DACH1: variants seen among roughly 807,000 people sequenced by gnomAD.
The protein encoded by DACH1 is dachshund family transcription factor 1.
Under a neutral mutation model 54.2 loss-of-function variants are expected in DACH1, and 12 were observed. That is an observed-to-expected ratio of 0.22 (90% CI 0.14 to 0.36). DACH1 has a LOEUF of 0.36. Ranked by LOEUF, DACH1 falls within the 10% of genes least tolerant of loss-of-function variation. DACH1 has a pLI of 1.00. For synonymous variants in DACH1, 386 were observed against 366.2 expected (o/e 1.05, Z -0.62); for missense variants, 805 against 929.8 (o/e 0.87, Z 1.75).
chr13:71,832,716 T>G (rs900175550), intron 1 of DACH1, among the ~76,000 whole-genome samples: 4 of 151,950 alleles, frequency 2.6e-5, no homozygotes, highest in Non-Finnish European at 5.9e-5. Context: ...AGACATCTTC[T>G]ACTACTGGAA....
intron 10 of DACH1, among the ~76,000 whole-genome samples, chr13:71,456,573 G>A (rs1409662171): frequency 2.0e-5 from 3 of 151,754 alleles, no homozygotes; most frequent in Non-Finnish European, 4.4e-5. Context: ...CCCACCATAG[G>A]GACTCTATAC....
At chr13:71,865,897 G>T in intron 1 of DACH1, 25 bp downstream of exon 1, 2 of 1,558,796 alleles carry the variant, frequency 1.3e-6, no homozygotes, top group South Asian at 2.4e-5. Flanking sequence ...GGCGCGGGCG[G>T]CGGGGGCTAT....
chr13:71,705,229 G>A (rs529925506), intron 1 of DACH1, among the ~76,000 whole-genome samples: 4 of 152,232 alleles, frequency 2.6e-5, no homozygotes, highest in South Asian at 4.1e-4. Flanking sequence ...CTTGGACTTC[G>A]TTTTCCTCTA....
intron 10 of DACH1, among the ~76,000 whole-genome samples, chr13:71,466,855 A>AAAAG (rs1437270785): frequency 1.3e-5 from 2 of 151,074 alleles, no homozygotes; most frequent in East Asian, 1.9e-4. Flanking sequence ...CAAAAAAAAA[A>AAAAG]AAAAAAAAAG....
At chr13:71,453,027 T>C (rs1022159991) in intron 10 of DACH1, among the ~76,000 whole-genome samples, 5 of 152,218 alleles carry the variant, frequency 3.3e-5, no homozygotes, top group African/African-American at 1.2e-4. Flanking sequence ...TTTGGTAAAG[T>C]ATTTTTGTGT....
intron 1 of DACH1, among the ~76,000 whole-genome samples, chr13:71,765,336 A>G (rs2138019473): frequency 6.6e-6 from 1 of 152,212 alleles, no homozygotes. Flanking sequence ...AGGCACTGTC[A>G]CGTCCATCTG....
At chr13:71,779,113 A>G (rs926690251) in intron 1 of DACH1, among the ~76,000 whole-genome samples, 43 of 136,260 alleles carry the variant, frequency 3.2e-4, no homozygotes, top group Non-Finnish European at 5.7e-4. Flanking sequence ...ATATATATAC[A>G]TATATACACA....
chr13:71,655,293 C>T (rs1879014938), intron 2 of DACH1, among the ~76,000 whole-genome samples: 1 of 151,712 alleles, frequency 6.6e-6, no homozygotes, highest in African/African-American at 2.4e-5. Flanking sequence ...CACTTGAATA[C>T]AGAAATCAAG....
chr13:71,830,103 G>C lies in DACH1; in HGVS notation c.848+35819C>G, dbSNP rs1888527755. ...TTAAAATCACCAAATATTTTAAGTA[G>C]ATATATTCATTTATCTTTTACTAAC... On this transcript the variant is annotated intron_variant, in intron 1 of 10. Transcript: ENST00000613252. Among the ~76,000 whole-genome samples the C allele has an allele frequency of 2.0e-5, 3 of 151,820 alleles. No homozygotes were observed. The Admixed American group carries it at 2.0e-4, about 10-fold the overall frequency.
intron 3 of DACH1, among the ~76,000 whole-genome samples, chr13:71,617,491 T>A (rs1313433953): frequency 6.6e-6 from 1 of 152,176 alleles, no homozygotes; most frequent in Non-Finnish European, 1.5e-5. Context: ...TAAGTAGATG[T>A]TATACAATTA....
At chr13:71,850,691 A>G (rs1408761193) in intron 1 of DACH1, among the ~76,000 whole-genome samples, 1 of 152,248 alleles carries the variant, frequency 6.6e-6, no homozygotes, top group African/African-American at 2.4e-5. Context: ...TTGGATTTAA[A>G]AATTCAGATT....
intron 2 of DACH1, among the ~76,000 whole-genome samples, chr13:71,641,847 G>A (rs1594032699): frequency 6.6e-6 from 1 of 152,080 alleles, no homozygotes; most frequent in Non-Finnish European, 1.5e-5. Context: ...AATAAATGGT[G>A]TTTAGGTTTG....
In DACH1 at chr13:71,675,236, C is replaced by A. The variant is rs1414556423; in HGVS notation, c.964+6559G>T. The A allele has an allele frequency of 9.6e-6, 15 of 1,556,084 alleles. 1 individual carries two copies. In the Admixed American group the frequency reaches 2.5e-4, roughly 26 times the overall value. ...CGTGAAGTTAGACGTTATCAGAAGT[C>A]CACTGAACTTCTGATTCGCAGACTT... On this transcript the variant is annotated intron_variant, in intron 2 of 10. Coordinates refer to ENST00000613252, the MANE Select transcript of DACH1 (RefSeq NM_080759.6).
chr13:71,642,786 C>T (rs1314175863), intron 2 of DACH1, among the ~76,000 whole-genome samples: 1 of 151,966 alleles, frequency 6.6e-6, no homozygotes, highest in Non-Finnish European at 1.5e-5. Context: ...TTTGGGAGGC[C>T]GAGGCGAGCA....
chr13:71,620,644 C>T (rs1336660561), intron 3 of DACH1, among the ~76,000 whole-genome samples: 1 of 151,834 alleles, frequency 6.6e-6, no homozygotes, highest in Admixed American at 6.6e-5. Context: ...TTTACATATA[C>T]TTACATAATT....
intron 1 of DACH1, among the ~76,000 whole-genome samples, chr13:71,821,497 T>A (rs1340634616): frequency 6.6e-6 from 1 of 152,090 alleles, no homozygotes; most frequent in African/African-American, 2.4e-5. Flanking sequence ...AAATTTAAAA[T>A]TTTCCCCTTA....
intron 3 of DACH1, among the ~76,000 whole-genome samples, chr13:71,622,953 A>T (rs1213141497): frequency 6.6e-6 from 1 of 151,776 alleles, no homozygotes; most frequent in African/African-American, 2.4e-5. Context: ...AGTAAAAAAA[A>T]GTTTTCATGA....
At chr13:71,572,218 C>G (rs61957825) in intron 4 of DACH1, among the ~76,000 whole-genome samples, 16,562 of 152,050 alleles carry the variant, frequency 0.11, 1,907 homozygotes, top group African/African-American at 0.29. Context: ...GAAAGTAAAA[C>G]ATATTTACAT....
intron 1 of DACH1, among the ~76,000 whole-genome samples, chr13:71,777,194 G>T (rs909476536): frequency 6.7e-6 from 1 of 148,652 alleles, no homozygotes; most frequent in East Asian, 2.0e-4. Flanking sequence ...CTTCTTGTCC[G>T]TACGGTATAG....
Sources: allele counts gnomAD v4.1 joint callset (sites outside exome capture counted in the v4.1 genomes callset), GRCh38; gene constraint gnomAD v4.1.1; transcripts MANE v1.5; gene names NCBI Gene and HGNC (gene_info 2026-07-23, HGNC 2026-07-21).